Variants in LPP observed in about 807,000 individuals in gnomAD.
LPP encodes the protein LIM domain containing preferred translocation partner in lipoma.
In LPP, 38 loss-of-function variants were observed where a neutral mutation model predicts 60.4. That is an observed-to-expected ratio of 0.63 (90% CI 0.49 to 0.83). The LOEUF (loss-of-function observed/expected upper bound fraction) is 0.83. LPP is among the 40% of genes least tolerant of loss of function. The pLI is 0.00. For synonymous variants in LPP, 328 were observed against 290.8 expected, an observed-to-expected ratio of 1.13 and a Z score of -1.30; for missense variants, 902 against 783.6, an observed-to-expected ratio of 1.15 and a Z score of -1.80.
chr3:188,842,907 G>T (rs942300705), intron 9 of LPP, among the ~76,000 whole-genome samples: 1 of 152,048 alleles, frequency 6.6e-6, no homozygotes, highest in African/African-American at 2.4e-5. Context: ...ACCCTCAGAG[G>T]CAATGACTTT....
At chr3:188,157,325 A>G (rs148307875) in intron 1 of LPP, among the ~76,000 whole-genome samples, 76 of 149,110 alleles carry the variant, frequency 5.1e-4, no homozygotes, top group African/African-American at 1.7e-3. Context: ...ACAACCCAGA[A>G]CTTTTGCTTC....
At chr3:188,166,064 A>G (rs576405793) in intron 1 of LPP, among the ~76,000 whole-genome samples, 2 of 152,284 alleles carry the variant, frequency 1.3e-5, no homozygotes, top group South Asian at 2.1e-4. Flanking sequence ...ATTGCTGGAG[A>G]TATTCAAGCA....
In LPP at chr3:188,242,632, A is replaced by G. The variant is rs116502758; in HGVS notation, c.-67+17105A>G. On this transcript the variant is annotated intron_variant, in intron 2 of 11. Coordinates refer to ENST00000617246, the MANE Select transcript of LPP (RefSeq NM_001375462.1). ...AGGTACACAAATAGAATGTGAAATCACTTCTCCTTTCTGGGTCTTCATTTT... is the reference window on the plus strand; with the variant it reads ...AGGTACACAAATAGAATGTGAAATCGCTTCTCCTTTCTGGGTCTTCATTTT... 5.8e-3 allele frequency among the ~76,000 whole-genome samples: 889 copies of G among 152,270 alleles called. 9 individuals are homozygous for G. The highest frequency in any genetic ancestry group is 0.02 in the African/African-American group (843 of 41,550).
At chr3:188,454,990 T>C (rs1016353973) in intron 4 of LPP, among the ~76,000 whole-genome samples, 1 of 152,210 alleles carries the variant, frequency 6.6e-6, no homozygotes, top group East Asian at 1.9e-4. Flanking sequence ...CTTAGTGTAG[T>C]GAGCATTTGG....
At chr3:188,869,985 T>C (rs1211261753) in intron 10 of LPP, among the ~76,000 whole-genome samples, 5 of 152,142 alleles carry the variant, frequency 3.3e-5, no homozygotes, top group Non-Finnish European at 7.4e-5. Flanking sequence ...AAGGCCCAAC[T>C]CAATTACCGT....
intron 7 of LPP, among the ~76,000 whole-genome samples, chr3:188,661,488 T>C (rs1333296382): frequency 3.3e-5 from 5 of 152,196 alleles, no homozygotes; most frequent in Non-Finnish European, 5.9e-5. Flanking sequence ...TGCTACAACA[T>C]TGTGGCCAGA....
intron 6 of LPP, among the ~76,000 whole-genome samples, chr3:188,600,863 C>A (rs1841020882): frequency 1.3e-5 from 2 of 151,782 alleles, no homozygotes; most frequent in Admixed American, 6.6e-5. Context: ...CAAGCTTAAT[C>A]TCTTCAAGCT....
At chr3:188,353,769 T>C (rs985123363) in intron 3 of LPP, among the ~76,000 whole-genome samples, 1 of 152,194 alleles carries the variant, frequency 6.6e-6, no homozygotes, top group African/African-American at 2.4e-5. Flanking sequence ...TTTAGCTGAT[T>C]TGTTTTCAGT....
chr3:188,878,078 G>A lies in LPP; in HGVS notation c.*3599G>A, dbSNP rs1199479927. The A allele has an allele frequency of 4.5e-6, 1 of 220,368 alleles. No individual in the cohort carries two copies. Among genetic ancestry groups the A allele is most frequent in the African/African-American group, 2.2e-5 (1 of 44,588 alleles). The allele number at this position is 220,368 out of a possible 1,614,324, so 13.7% of individuals were successfully genotyped here. The stretch of plus-strand genomic sequence containing the variant: ...AAGAAAGAGAGGGCTTTTTCCATGG[G>A]GCTATAGTAGAGAGTTAGTGGAATA... On this transcript the variant is annotated 3_prime_UTR_variant, in exon 12 of 12. Coordinates refer to ENST00000617246, the MANE Select transcript of LPP (RefSeq NM_001375462.1).
In LPP at chr3:188,623,045, AAAG is replaced by A. The variant is rs1207108460; in HGVS notation, c.1113+13203_1113+13205del. Among the ~76,000 whole-genome samples the A allele has an allele frequency of 1.8e-3, 92 of 51,882 alleles. 2 individuals carry two copies. Among genetic ancestry groups the A allele is most frequent in the African/African-American group, 6.2e-3 (80 of 12,826 alleles). The allele number at this position is 51,882 out of a possible 152,430, so 34.0% of individuals were successfully genotyped here. ...TCCATCTTAAAAAAAAAAAAAAAAA[AAAG>A]AGAGAGCTAACATCTTCACTTTTTA... On this transcript the variant is annotated intron_variant, in intron 7 of 11. Transcript: ENST00000617246.
chr3:188,347,372 A>G (rs1160888175), intron 3 of LPP, among the ~76,000 whole-genome samples: 1 of 152,208 alleles, frequency 6.6e-6, no homozygotes, highest in Non-Finnish European at 1.5e-5. Context: ...CTTAAGAAAG[A>G]ATAAAAAAAG....
chr3:188,791,656 G>T (rs937973009), intron 9 of LPP, among the ~76,000 whole-genome samples: 2 of 151,218 alleles, frequency 1.3e-5, no homozygotes, highest in African/African-American at 4.9e-5. Flanking sequence ...TGATCTTTCT[G>T]TACCTAGAAC....
At chr3:188,680,687 G>A (rs1468645609) in intron 7 of LPP, among the ~76,000 whole-genome samples, 1 of 152,162 alleles carries the variant, frequency 6.6e-6, no homozygotes, top group Non-Finnish European at 1.5e-5. Flanking sequence ...TAGGAAGTAA[G>A]TAACTGGAGC....
At chr3:188,782,665 C>T (rs1442249560) in intron 9 of LPP, among the ~76,000 whole-genome samples, 3 of 151,960 alleles carry the variant, frequency 2.0e-5, no homozygotes, top group Non-Finnish European at 4.4e-5. Flanking sequence ...CTGTTATACC[C>T]TCCTAGCAAT....
chr3:188,688,734 G>A (rs752287910), intron 7 of LPP: 6 of 472,152 alleles, frequency 1.3e-5, no homozygotes, highest in South Asian at 9.4e-5. Flanking sequence ...CCTTTTGCAT[G>A]GTAGACAACA....
At chr3:188,737,877 CT>C in intron 8 of LPP, among the ~76,000 whole-genome samples, 1 of 152,180 alleles carries the variant, frequency 6.6e-6, no homozygotes, top group East Asian at 1.9e-4. Context: ...TTTAAATGGT[CT>C]TTAAGCAGCC....
chr3:188,634,370 A>C (rs1329258763), intron 7 of LPP, among the ~76,000 whole-genome samples: 2 of 152,346 alleles, frequency 1.3e-5, no homozygotes, highest in East Asian at 3.9e-4. Context: ...CAAAGGTTTC[A>C]GTGACAGAAG....
At chr3:188,763,592 C>T (rs1307607321) in intron 9 of LPP, among the ~76,000 whole-genome samples, 1 of 152,026 alleles carries the variant, frequency 6.6e-6, no homozygotes, top group East Asian at 1.9e-4. Context: ...TCTCTTTAAT[C>T]ATTTTACATA....
chr3:188,165,622 T>A (rs1026998143), intron 1 of LPP, among the ~76,000 whole-genome samples: 4 of 152,202 alleles, frequency 2.6e-5, no homozygotes, highest in Non-Finnish European at 5.9e-5. Context: ...TGACTGGATC[T>A]GTGCCTTAAG....
Sources: gnomAD v4.1 joint callset for allele counts (sites outside exome capture counted in the v4.1 genomes callset) on GRCh38, gnomAD v4.1.1 for gene constraint, MANE v1.5 for transcripts, NCBI Gene and HGNC (gene_info 2026-07-23, HGNC 2026-07-21) for gene names.